F13A1: variants seen among roughly 807,000 people sequenced by gnomAD.
The protein encoded by F13A1 is FSF, A subunit.
F13A1 carries 47 observed loss-of-function variants against 80.1 expected under a neutral mutation model. The observed-to-expected ratio is 0.59, with a 90% CI of 0.46 to 0.75. The LOEUF (loss-of-function observed/expected upper bound fraction) is 0.75, where lower values mean the gene tolerates loss of function less well. F13A1 is among the 30% of genes least tolerant of loss of function. The pLI, the probability that F13A1 is intolerant of heterozygous loss-of-function variation, is 0.00. For synonymous variants in F13A1, 349 were observed against 344.9 expected, an observed-to-expected ratio of 1.01 and a Z score of -0.13; for missense variants, 817 against 930.4, an observed-to-expected ratio of 0.88 and a Z score of 1.59.
chr6:6,304,163 C>A (rs1309034631), intron 3 of F13A1, among the ~76,000 whole-genome samples: 4 of 152,040 alleles, frequency 2.6e-5, no homozygotes. Context: ...TAACTTTTTT[C>A]CACTTAGATA....
chr6:6,287,376 G>A (rs979272023), intron 3 of F13A1, among the ~76,000 whole-genome samples: 1 of 152,184 alleles, frequency 6.6e-6, no homozygotes, highest in Non-Finnish European at 1.5e-5. Flanking sequence ...GGGTGCAAAT[G>A]AGCCACGTTT....
chr6:6,157,662 T>C (rs1760499910), intron 13 of F13A1, among the ~76,000 whole-genome samples: 1 of 152,214 alleles, frequency 6.6e-6, no homozygotes, highest in African/African-American at 2.4e-5. Flanking sequence ...CCTTGGGGCC[T>C]TGATATATAT....
At position 6,264,461 on chromosome 6, in the gene F13A1, T is replaced by C. The variant is rs75736351; in HGVS notation, c.571+2097A>G. 5.1e-3 allele frequency among the ~76,000 whole-genome samples: 773 copies of C among 152,342 alleles called. 9 individuals carry two copies. The highest frequency in any genetic ancestry group is 0.018 in the African/African-American group (734 of 41,576). On this transcript the variant is annotated intron_variant, in intron 4 of 14. Transcript: ENST00000264870. ...TTCTTAGAATAGGTTGCTTCCTACA[T>C]ACTCTTCCATCTCATTCTCTTTTGC... is the stretch of plus-strand genomic sequence containing the variant.
rs4053227 is a variant in F13A1 at position 6,220,567 on chromosome 6, CTG to C, written c.1112+1464_1112+1465del. On this transcript the variant is annotated intron_variant, in intron 8 of 14. Coordinates refer to ENST00000264870, the MANE Select transcript of F13A1 (RefSeq NM_000129.4). ...TGTGTGTGTGTGTCTGTGTGTCTGT[CTG>C]TGTGTGTGTGTGTGTGTCTGTGTGT... 1.3e-3 allele frequency among the ~76,000 whole-genome samples: 189 copies of C among 149,622 alleles called. 1 individual carries two copies. Among genetic ancestry groups the C allele is most frequent in the East Asian group, 3.9e-3 (20 of 5,094 alleles).
chr6:6,293,863 A>C (rs1758273835), intron 3 of F13A1, among the ~76,000 whole-genome samples: 2 of 151,206 alleles, frequency 1.3e-5, no homozygotes, highest in South Asian at 2.1e-4. Context: ...CACATAAATA[A>C]ATCCCATGAC....
intron 3 of F13A1, among the ~76,000 whole-genome samples, chr6:6,280,777 G>A (rs1397639780): frequency 6.6e-6 from 1 of 152,178 alleles, no homozygotes; most frequent in African/African-American, 2.4e-5. Flanking sequence ...GTTCCCCACT[G>A]ATTTGCCTTT....
At chr6:6,224,581 T>C in intron 7 of F13A1, 105 bp downstream of exon 7, 1 of 1,064,148 alleles carries the variant, frequency 9.4e-7, no homozygotes. Context: ...ATAAATTCTA[T>C]AGTGTCAACA....
chr6:6,193,136 C>A (rs1761232025), intron 10 of F13A1, among the ~76,000 whole-genome samples: 1 of 152,188 alleles, frequency 6.6e-6, no homozygotes, highest in South Asian at 2.1e-4. Flanking sequence ...CAAGCCCTGG[C>A]AGAAACCCAG....
chr6:6,273,308 G>C (rs1757946039), intron 3 of F13A1, among the ~76,000 whole-genome samples: 1 of 152,186 alleles, frequency 6.6e-6, no homozygotes, highest in Non-Finnish European at 1.5e-5. Flanking sequence ...ATAAATGTCA[G>C]TGAGGCTGAA....
chr6:6,241,492 T>A (rs1410239485), intron 6 of F13A1, among the ~76,000 whole-genome samples: 2 of 152,224 alleles, frequency 1.3e-5, no homozygotes, highest in Non-Finnish European at 2.9e-5. Context: ...TACATAATCA[T>A]GATTTGTTTT....
intron 2 of F13A1, among the ~76,000 whole-genome samples, chr6:6,317,086 G>A (rs1040373611): frequency 2.6e-5 from 4 of 152,150 alleles, no homozygotes; most frequent in African/African-American, 4.8e-5. Flanking sequence ...CCCTTTCCGG[G>A]GGCCCAGAGT....
chr6:6,269,049 G>A (rs973996132), intron 3 of F13A1, among the ~76,000 whole-genome samples: 1 of 152,084 alleles, frequency 6.6e-6, no homozygotes, highest in Non-Finnish European at 1.5e-5. Context: ...AAGGAAGAAG[G>A]GGTGATTTCT....
chr6:6,233,300 T>C (rs1448603273), intron 6 of F13A1, among the ~76,000 whole-genome samples: 6 of 152,054 alleles, frequency 3.9e-5, no homozygotes, highest in Admixed American at 3.9e-4. Context: ...CAAAAGATCA[T>C]TCAAGGCTAC....
chr6:6,247,996 T>C (rs936708537), intron 6 of F13A1, among the ~76,000 whole-genome samples: 7 of 152,244 alleles, frequency 4.6e-5, no homozygotes, highest in Non-Finnish European at 8.8e-5. Flanking sequence ...TTATAGTCAT[T>C]GACATTTTTG....
chr6:6,254,087 C>T (rs1476615314), intron 4 of F13A1, among the ~76,000 whole-genome samples: 1 of 152,084 alleles, frequency 6.6e-6, no homozygotes, highest in Non-Finnish European at 1.5e-5. Context: ...ACCAAATTAA[C>T]CATGAAATAC....
intron 4 of F13A1, among the ~76,000 whole-genome samples, chr6:6,251,324 C>G (rs991111648): frequency 4.6e-5 from 7 of 152,122 alleles, no homozygotes; most frequent in African/African-American, 1.7e-4. Context: ...TAATAGAAAA[C>G]TAGATGAATT....
chr6:6,223,898 G>A (rs1757235935), intron 7 of F13A1, among the ~76,000 whole-genome samples: 1 of 152,166 alleles, frequency 6.6e-6, no homozygotes, highest in South Asian at 2.1e-4. Flanking sequence ...CTCCAAGGCT[G>A]TAGAAATGAC....
intron 2 of F13A1, among the ~76,000 whole-genome samples, chr6:6,317,514 G>A (rs1286081728): frequency 6.6e-6 from 1 of 152,022 alleles, no homozygotes; most frequent in Non-Finnish European, 1.5e-5. Flanking sequence ...AAATCATCTA[G>A]TGTGACAGTA....
chr6:6,319,893 G>A (rs1296766314), intron 1 of F13A1, among the ~76,000 whole-genome samples: 2 of 152,138 alleles, frequency 1.3e-5, no homozygotes, highest in Admixed American at 6.5e-5. Context: ...GGAAGGGAGG[G>A]AGAAGAGCGA....
Sources: gnomAD v4.1 joint callset for allele counts (sites outside exome capture counted in the v4.1 genomes callset) on GRCh38, gnomAD v4.1.1 for gene constraint, MANE v1.5 for transcripts, NCBI Gene and HGNC (gene_info 2026-07-23, HGNC 2026-07-21) for gene names.